Variants in TP63 observed in about 807,000 individuals in gnomAD.
The protein encoded by TP63 is tumor protein 63.
A neutral mutation model predicts 82.8 loss-of-function variants in TP63; 17 were observed. The observed-to-expected ratio is 0.21, with a 90% CI of 0.14 to 0.31. The LOEUF is 0.31. Among genes scored for constraint, TP63 ranks in the 10% least tolerant of loss-of-function variants. The pLI is 1.00. For synonymous variants in TP63, 330 were observed against 321.7 expected (o/e 1.03, Z -0.28); for missense variants, 648 against 895.3 (o/e 0.72, Z 3.52).
chr3:189,720,144 C>G (rs1254273215), intron 1 of TP63, among the ~76,000 whole-genome samples: 1 of 152,086 alleles, frequency 6.6e-6, no homozygotes, highest in Admixed American at 6.6e-5. Context: ...ACCTCTGTCT[C>G]AGAGCTCTTT....
chr3:189,816,327 A>G (rs1339191330), intron 4 of TP63, among the ~76,000 whole-genome samples: 3 of 152,192 alleles, frequency 2.0e-5, no homozygotes, highest in Non-Finnish European at 4.4e-5. Context: ...AGTGATGTGT[A>G]CCATTTATTG....
At chr3:189,693,638 T>G (rs1471538174) in intron 1 of TP63, among the ~76,000 whole-genome samples, 1 of 152,130 alleles carries the variant, frequency 6.6e-6, no homozygotes, top group East Asian at 1.9e-4. Context: ...GGTAAGAAAA[T>G]TATGGTAGAT....
chr3:189,758,130 C>G (rs538600354), intron 3 of TP63, among the ~76,000 whole-genome samples: 4 of 152,274 alleles, frequency 2.6e-5, no homozygotes, highest in African/African-American at 9.6e-5. Flanking sequence ...TGAAACTGTT[C>G]TACCTCAGAT....
chr3:189,728,267 A>G (rs1040609620), intron 1 of TP63, among the ~76,000 whole-genome samples: 2 of 152,232 alleles, frequency 1.3e-5, no homozygotes, highest in Admixed American at 1.3e-4. Flanking sequence ...AACAAGGAAA[A>G]TAATGTTTTT....
intron 1 of TP63, among the ~76,000 whole-genome samples, chr3:189,694,413 C>A (rs1418773990): frequency 6.6e-6 from 1 of 152,012 alleles, no homozygotes; most frequent in Non-Finnish European, 1.5e-5. Flanking sequence ...TTCAGAATAC[C>A]ACGCTGTATT....
intron 4 of TP63, among the ~76,000 whole-genome samples, chr3:189,833,079 T>C (rs1411747538): frequency 3.9e-5 from 6 of 152,232 alleles, no homozygotes; most frequent in Admixed American, 6.5e-5. Context: ...TGCTAAGGCC[T>C]TCTCTCTCCT....
intron 1 of TP63, among the ~76,000 whole-genome samples, chr3:189,673,022 G>C (rs1715064134): frequency 6.6e-6 from 1 of 152,170 alleles, no homozygotes; most frequent in Admixed American, 6.6e-5. Flanking sequence ...TGTATTTTTA[G>C]TAGGGACAGG....
chr3:189,880,243 G>A (rs917267228), intron 10 of TP63: 1 of 1,549,444 alleles, frequency 6.5e-7, no homozygotes, highest in South Asian at 1.3e-5. Flanking sequence ...GTGTGTGTGT[G>A]TGTATGTGTG....
At chr3:189,652,362 G>T (rs1450455332) in intron 1 of TP63, among the ~76,000 whole-genome samples, 3 of 147,016 alleles carry the variant, frequency 2.0e-5, no homozygotes, top group Non-Finnish European at 4.5e-5. Context: ...TGCCCTGTTG[G>T]ATTTCAACCT....
intron 3 of TP63, among the ~76,000 whole-genome samples, chr3:189,749,997 G>A (rs1275761046): frequency 7.2e-5 from 11 of 151,948 alleles, no homozygotes; most frequent in Non-Finnish European, 1.0e-4. Context: ...GGCGGCAGGC[G>A]CCTATAGTCC....
rs140216135 is a variant in TP63 at position 189,795,577 on chromosome 3, A to T, written c.325-12695A>T. ...AAAATTTATAAAAATACAAGGGAGG[A>T]CTGTGCCAGACAACGTGAAGGAACA... On this transcript the variant is annotated intron_variant, in intron 3 of 13. Transcript: ENST00000264731. Among the ~76,000 whole-genome samples, 437 of 152,124 alleles carry T rather than the reference A, an allele frequency of 2.9e-3. 5 individuals are homozygous for T. The highest frequency in any genetic ancestry group is 9.9e-3 in the African/African-American group (411 of 41,558).
intron 10 of TP63, among the ~76,000 whole-genome samples, chr3:189,881,940 C>T (rs1719954870): frequency 6.7e-6 from 1 of 150,184 alleles, no homozygotes; most frequent in Non-Finnish European, 1.5e-5. Flanking sequence ...ACAGTGGAAC[C>T]TATTGTCCAA....
In TP63 at chr3:189,874,981, C is replaced by CT. The variant is rs200117233; in HGVS notation, c.1349+2005dup. 3.8e-3 allele frequency among the ~76,000 whole-genome samples: 438 copies of CT among 114,206 alleles called. 2 individuals carry two copies. The highest frequency in any genetic ancestry group is 0.019 in the Middle Eastern group (4 of 208). 74.9% of individuals were successfully genotyped at this position (114,206 alleles called of 152,430 possible). ...GTTGCTCTTCAGTACTCTTTCCTGTCTTTTTTTTTTTTTTTTTTTCAGTTA... is the reference window on the plus strand; with the variant it reads ...GTTGCTCTTCAGTACTCTTTCCTGTCTTTTTTTTTTTTTTTTTTTTCAGTTA... On this transcript the variant is annotated intron_variant, in intron 10 of 13. Transcript: ENST00000264731.
chr3:189,657,020 CAA>C (rs71173299), intron 1 of TP63, among the ~76,000 whole-genome samples: 59,437 of 143,584 alleles, frequency 0.41, 13,046 homozygotes, highest in Middle Eastern at 0.63. Context: ...ATGAAGCATG[CAA>C]AAAAAAAAAA....
intron 3 of TP63, among the ~76,000 whole-genome samples, chr3:189,769,478 A>C (rs1723180109): frequency 6.6e-6 from 1 of 152,192 alleles, no homozygotes; most frequent in South Asian, 2.1e-4. Flanking sequence ...TGGATTAGAA[A>C]TTGTGTATCC....
intron 3 of TP63, among the ~76,000 whole-genome samples, chr3:189,795,276 C>T (rs1262109162): frequency 6.6e-6 from 1 of 152,014 alleles, no homozygotes; most frequent in Admixed American, 6.6e-5. Flanking sequence ...CCAACAGTTA[C>T]TGAAAACTTA....
chr3:189,780,670 G>T (rs1724160220), intron 3 of TP63, among the ~76,000 whole-genome samples: 1 of 152,170 alleles, frequency 6.6e-6, no homozygotes, highest in African/African-American at 2.4e-5. Context: ...TGTTTTCAGA[G>T]ACAGGTGCTT....
In TP63 at chr3:189,638,180, GAAACTAATC is replaced by G. The variant is rs1447742712; in HGVS notation, c.62+6604_62+6612del. 3.3e-5 allele frequency among the ~76,000 whole-genome samples: 5 copies of G among 152,236 alleles called. No individual in the cohort carries two copies. In the South Asian group the frequency reaches 1.0e-3, roughly 32 times the overall value. On this transcript the variant is annotated intron_variant, in intron 1 of 13. Transcript: ENST00000264731. ...TGGTAACTTGTCATGGCAGCAATAG[GAAACTAATC>G]CACCAAGGTAAGAATTGTTATCCCC...
chr3:189,805,784 G>C (rs993547299), intron 3 of TP63, among the ~76,000 whole-genome samples: 2 of 152,334 alleles, frequency 1.3e-5, no homozygotes, highest in African/African-American at 4.8e-5. Flanking sequence ...ACAATGGCAG[G>C]ATTTGAAGGA....
Sources: gnomAD v4.1 joint callset for allele counts (sites outside exome capture counted in the v4.1 genomes callset) on GRCh38, gnomAD v4.1.1 for gene constraint, MANE v1.5 for transcripts, NCBI Gene and HGNC (gene_info 2026-07-23, HGNC 2026-07-21) for gene names.